The following MEGF10 variants were observed in gnomAD, a reference collection of about 807,000 sequenced individuals.
The protein encoded by MEGF10 is multiple epidermal growth factor-like domains protein 10.
In MEGF10, 86 loss-of-function variants were observed where a neutral mutation model predicts 147.5. That is an observed-to-expected ratio of 0.58 (90% CI 0.49 to 0.70). The LOEUF (loss-of-function observed/expected upper bound fraction) is 0.70. MEGF10 is among the 30% of genes least tolerant of loss of function. MEGF10 has a pLI of 0.00. For synonymous variants in MEGF10, 478 were observed against 525.5 expected, an observed-to-expected ratio of 0.91 and a Z score of 1.24; for missense variants, 1,329 against 1,487.3, an observed-to-expected ratio of 0.89 and a Z score of 1.75.
the MEGF10 span, among the ~76,000 whole-genome samples, chr5:127,269,409 T>C: frequency 7.2e-5 from 11 of 152,186 alleles, no homozygotes; most frequent in African/African-American, 2.7e-4. Flanking sequence ...CTGATTGAGC[T>C]GAAAACCATG....
At chr5:127,404,153 A>T (rs1199184723) in intron 8 of MEGF10, among the ~76,000 whole-genome samples, 1 of 151,874 alleles carries the variant, frequency 6.6e-6, no homozygotes, top group Non-Finnish European at 1.5e-5. Context: ...GCTTGAGATT[A>T]TATCTCATTG....
At chr5:127,247,527 A>G in the MEGF10 span, among the ~76,000 whole-genome samples, 3 of 151,822 alleles carry the variant, frequency 2.0e-5, no homozygotes, top group Non-Finnish European at 4.4e-5. Flanking sequence ...AAGGAATAAA[A>G]AGCTCATGAA....
At position 127,454,492 on chromosome 5, in the gene MEGF10, G is replaced by C. The variant is rs1766278621; in HGVS notation, c.2981-74G>C. The C allele has an allele frequency of 5.9e-6, 8 of 1,362,726 alleles. No homozygotes were observed. The South Asian group carries it at 7.8e-5, about 13-fold the overall frequency. 84.4% of individuals were successfully genotyped at this position (1,362,726 alleles called of 1,614,324 possible). On this transcript the variant is annotated intron_variant, in intron 22 of 24. Transcript: ENST00000503335. Reference sequence around the variant, plus strand: ...GCTGCAGTGGGAGATCCTCTTCCAGGACCTTGGGATATTGGATGGGGTTTT... The same window carrying C: ...GCTGCAGTGGGAGATCCTCTTCCAGCACCTTGGGATATTGGATGGGGTTTT...
chr5:127,329,996 CCTTCAACTTGACCTATCTAAA>C (rs1458239127), intron 1 of MEGF10, among the ~76,000 whole-genome samples: 1 of 152,076 alleles, frequency 6.6e-6, no homozygotes, highest in East Asian at 1.9e-4. Flanking sequence ...ATCAGAGGAA[CCTTCAACTTGACCTATCTAAA>C]CTGAACTGAA....
the MEGF10 span, among the ~76,000 whole-genome samples, chr5:127,281,765 G>A: frequency 6.6e-6 from 1 of 152,220 alleles, no homozygotes; most frequent in South Asian, 2.1e-4. Flanking sequence ...AGGCTCTTCA[G>A]TAGGCCTAGC....
At chr5:127,396,845 C>T in intron 6 of MEGF10, 67 bp downstream of exon 6, 1 of 1,560,750 alleles carries the variant, frequency 6.4e-7, no homozygotes. Context: ...CTGCTGCTGC[C>T]ATCATATTTC....
intron 24 of MEGF10, 110 bp downstream of exon 24, chr5:127,455,717 T>C (rs560226943): frequency 1.7e-5 from 14 of 815,602 alleles, no homozygotes; most frequent in Middle Eastern, 6.8e-4. Context: ...TTGAAAATAA[T>C]GGTCCGTATT....
At chr5:127,283,201 C>T in the MEGF10 span, among the ~76,000 whole-genome samples, 2 of 152,218 alleles carry the variant, frequency 1.3e-5, no homozygotes, top group South Asian at 4.1e-4. Context: ...CCCCCTGATA[C>T]TTACATCATT....
At position 127,339,076 on chromosome 5, in the gene MEGF10, A is replaced by T. The variant is rs747854494; in HGVS notation, c.117-44A>T. The T allele has an allele frequency of 1.7e-5, 23 of 1,330,742 alleles. 1 individual carries two copies. Among genetic ancestry groups the T allele is most frequent in the Middle Eastern group, 3.7e-4 (2 of 5,386 alleles). 82.4% of individuals were successfully genotyped at this position (1,330,742 alleles called of 1,614,324 possible). A position where few individuals can be genotyped will look rare whatever the true frequency, so the allele number is the denominator to read the frequency against. ...TAAATACATAGTATATTATTAATTT[A>T]AAAAAGAGAAATACTGATTTCTTAT... On this transcript the variant is annotated intron_variant, in intron 2 of 24. Coordinates refer to ENST00000503335, the MANE Select transcript of MEGF10 (RefSeq NM_001256545.2).
intron 9 of MEGF10, among the ~76,000 whole-genome samples, chr5:127,414,121 C>G (rs150508531): frequency 6.6e-6 from 1 of 152,086 alleles, no homozygotes; most frequent in Non-Finnish European, 1.5e-5. Context: ...AAAAATTTCC[C>G]GTTTTTTGTA....
intron 24 of MEGF10, 93 bp from the exon 25 acceptor site, chr5:127,457,035 C>A: frequency 1.6e-6 from 2 of 1,246,920 alleles, no homozygotes; most frequent in Non-Finnish European, 2.2e-6. Flanking sequence ...TTTTAAAAGT[C>A]CCTTTGGTGT....
chr5:127,319,930 G>A (rs1255394015), intron 1 of MEGF10, among the ~76,000 whole-genome samples: 1 of 152,182 alleles, frequency 6.6e-6, no homozygotes, highest in Non-Finnish European at 1.5e-5. Flanking sequence ...GGCCTAAGGA[G>A]AAGCCATTTA....
the MEGF10 span, among the ~76,000 whole-genome samples, chr5:127,273,801 A>G: frequency 6.6e-6 from 1 of 152,278 alleles, no homozygotes; most frequent in African/African-American, 2.4e-5. Flanking sequence ...ACTAACATTT[A>G]TCAAATACCT....
chr5:127,451,307 G>C (rs1444094351), intron 22 of MEGF10, among the ~76,000 whole-genome samples: 4 of 152,138 alleles, frequency 2.6e-5, no homozygotes, highest in Non-Finnish European at 5.9e-5. Context: ...CTCTTTCTAT[G>C]GAAATAAAAA....
intron 22 of MEGF10, among the ~76,000 whole-genome samples, chr5:127,451,369 T>C (rs541987334): frequency 6.6e-6 from 1 of 152,332 alleles, no homozygotes; most frequent in South Asian, 2.1e-4. Context: ...GTAGTCGTTA[T>C]CACGCTCGCT....
chr5:127,371,242 TG>T (rs1434423025), intron 5 of MEGF10, among the ~76,000 whole-genome samples: 1 of 147,646 alleles, frequency 6.8e-6, no homozygotes, highest in Non-Finnish European at 1.5e-5. Flanking sequence ...TGTGTGTGTG[TG>T]TGTCTTTCTG....
In MEGF10 at chr5:127,460,743, G is replaced by A. The variant is rs1466444552; in HGVS notation, c.*3425G>A. The A allele has an allele frequency of 6.6e-6, 1 of 152,080 alleles. No homozygotes were observed. The highest frequency in any genetic ancestry group is 2.4e-5 in the African/African-American group (1 of 41,418). The allele number at this position is 152,080 out of a possible 1,614,324, so 9.4% of individuals were successfully genotyped here. A position where few individuals can be genotyped will look rare whatever the true frequency, so the allele number is the denominator to read the frequency against. The stretch of plus-strand genomic sequence containing the variant: ...AAAATCATAAAAAATCAAGTTTTAA[G>A]GTTATATTTTTTAAAATAATGAATT... On this transcript the variant is annotated 3_prime_UTR_variant, in exon 25 of 25. Transcript: ENST00000503335.
At chr5:127,427,970 G>A (rs1186352959) in intron 13 of MEGF10, among the ~76,000 whole-genome samples, 1 of 151,958 alleles carries the variant, frequency 6.6e-6, no homozygotes, top group African/African-American at 2.4e-5. Context: ...CTTGGGAGAG[G>A]GGATCATATA....
intron 5 of MEGF10, among the ~76,000 whole-genome samples, chr5:127,395,024 C>A (rs544810520): frequency 3.8e-4 from 58 of 152,230 alleles, no homozygotes; most frequent in Middle Eastern, 6.8e-3. Flanking sequence ...TTCTTTTGAA[C>A]AATTTATTCC....
Sources: allele counts gnomAD v4.1 joint callset (sites outside exome capture counted in the v4.1 genomes callset), GRCh38; gene constraint gnomAD v4.1.1; transcripts MANE v1.5; gene names NCBI Gene and HGNC (gene_info 2026-07-23, HGNC 2026-07-21).